ADCY2: variants seen among roughly 807,000 people sequenced by gnomAD.
The protein encoded by ADCY2 is adenylate cyclase 2.
ADCY2 carries 31 observed loss-of-function variants against 125.2 expected under a neutral mutation model. That is an observed-to-expected ratio of 0.25 (90% CI 0.19 to 0.33). The LOEUF is 0.33. Ranked by LOEUF, ADCY2 falls within the 10% of genes least tolerant of loss-of-function variation. ADCY2 has a pLI of 1.00. For missense variants in ADCY2, 904 were observed against 1,418.2 expected, an observed-to-expected ratio of 0.64 and a Z score of 5.82; for synonymous variants, 512 against 548.4, an observed-to-expected ratio of 0.93 and a Z score of 0.93.
chr5:7,490,570 T>G (rs1036641581), intron 2 of ADCY2, among the ~76,000 whole-genome samples: 1 of 152,108 alleles, frequency 6.6e-6, no homozygotes, highest in African/African-American at 2.4e-5. Flanking sequence ...AAAATAAATG[T>G]AAAGAATAGA....
intron 2 of ADCY2, among the ~76,000 whole-genome samples, chr5:7,448,663 G>A (rs1262329525): frequency 6.6e-6 from 1 of 152,068 alleles, no homozygotes; most frequent in Non-Finnish European, 1.5e-5. Context: ...CCTCGTGTGT[G>A]TTGTTCCCCC....
At chr5:7,536,780 C>T (rs752764061) in intron 3 of ADCY2, among the ~76,000 whole-genome samples, 95 of 148,442 alleles carry the variant, frequency 6.4e-4, no homozygotes, top group Non-Finnish European at 1.0e-3. Context: ...ACAAGGAGAA[C>T]ACAGGGACAC....
chr5:7,750,945 T>G (rs1476261204), intron 15 of ADCY2, among the ~76,000 whole-genome samples: 1 of 152,202 alleles, frequency 6.6e-6, no homozygotes, highest in Non-Finnish European at 1.5e-5. Flanking sequence ...CTGGTCTTTC[T>G]GTTCTGCTTT....
intron 13 of ADCY2, among the ~76,000 whole-genome samples, chr5:7,725,050 T>C (rs1741891632): frequency 6.6e-6 from 1 of 152,238 alleles, no homozygotes; most frequent in Non-Finnish European, 1.5e-5. Flanking sequence ...TAATTAGAAC[T>C]TTTAAGCTTT....
Position 7,414,786 on chromosome 5 carries a change from AT to A in ADCY2, c.408+22del. 2 of 1,590,034 alleles carry A rather than the reference AT, an allele frequency of 1.3e-6. No homozygotes were observed. Among genetic ancestry groups the A allele is most frequent in the Non-Finnish European group, 1.7e-6 (2 of 1,171,124 alleles). On this transcript the variant is annotated intron_variant, in intron 2 of 24. Transcript: ENST00000338316. ...CTGGGACCAGGTAAGGTGTGAAAAT[AT>A]TTTTTGTACTTCTTTTATGTCTTGA...
At chr5:7,530,304 G>A (rs1734598183) in intron 3 of ADCY2, among the ~76,000 whole-genome samples, 1 of 152,158 alleles carries the variant, frequency 6.6e-6, no homozygotes, top group Admixed American at 6.5e-5. Flanking sequence ...AATGCTTTGG[G>A]AAATATGTTC....
At chr5:7,771,967 A>T (rs1743569443) in intron 17 of ADCY2, among the ~76,000 whole-genome samples, 1 of 152,196 alleles carries the variant, frequency 6.6e-6, no homozygotes, top group African/African-American at 2.4e-5. Flanking sequence ...AAACCCCGTA[A>T]TGTAGCAAAT....
intron 3 of ADCY2, among the ~76,000 whole-genome samples, chr5:7,620,211 A>G (rs1300291784): frequency 6.6e-6 from 1 of 152,248 alleles, no homozygotes; most frequent in Admixed American, 6.5e-5. Context: ...CTTAATAGCA[A>G]CAGATGTGGT....
intron 2 of ADCY2, among the ~76,000 whole-genome samples, chr5:7,480,591 G>C (rs1055309824): frequency 2.0e-5 from 3 of 152,200 alleles, no homozygotes; most frequent in Middle Eastern, 3.4e-3. Flanking sequence ...ACACACACGG[G>C]GGCCTATTGG....
intron 2 of ADCY2, among the ~76,000 whole-genome samples, chr5:7,449,615 T>C (rs565777883): frequency 6.6e-6 from 1 of 152,300 alleles, no homozygotes; most frequent in South Asian, 2.1e-4. Context: ...TGACTCACTA[T>C]AGGAGCTGGA....
intron 2 of ADCY2, among the ~76,000 whole-genome samples, chr5:7,471,618 T>C (rs570977770): frequency 1.3e-5 from 2 of 152,080 alleles, no homozygotes; most frequent in South Asian, 4.1e-4. Context: ...TTAGAGTTAT[T>C]TTAAAAGGTA....
chr5:7,693,756 A>G (rs1448649255), intron 5 of ADCY2, among the ~76,000 whole-genome samples: 1 of 152,158 alleles, frequency 6.6e-6, no homozygotes, highest in Non-Finnish European at 1.5e-5. Flanking sequence ...TTGCTGTAAC[A>G]TAACCTCTGG....
intron 1 of ADCY2, among the ~76,000 whole-genome samples, chr5:7,412,294 T>C (rs1277598499): frequency 6.6e-6 from 1 of 152,182 alleles, no homozygotes; most frequent in Non-Finnish European, 1.5e-5. Flanking sequence ...GATAATGAAA[T>C]GACTGGAAAA....
intron 2 of ADCY2, among the ~76,000 whole-genome samples, chr5:7,484,257 C>G (rs1742843490): frequency 1.3e-5 from 2 of 152,106 alleles, no homozygotes; most frequent in African/African-American, 2.4e-5. Flanking sequence ...AACAAATATA[C>G]AGCATTCAGA....
intron 23 of ADCY2, among the ~76,000 whole-genome samples, chr5:7,818,165 C>G (rs552763622): frequency 6.6e-6 from 1 of 152,078 alleles, no homozygotes; most frequent in Admixed American, 6.5e-5. Flanking sequence ...TTTTAACGCT[C>G]TCTTACATAC....
At chr5:7,504,466 C>T (rs1743722919) in intron 2 of ADCY2, among the ~76,000 whole-genome samples, 1 of 152,080 alleles carries the variant, frequency 6.6e-6, no homozygotes, top group South Asian at 2.1e-4. Context: ...AACACAACGC[C>T]TATGAAGGCA....
intron 4 of ADCY2, among the ~76,000 whole-genome samples, chr5:7,639,036 A>G (rs1738603760): frequency 1.3e-5 from 2 of 152,032 alleles, no homozygotes; most frequent in Non-Finnish European, 1.5e-5. Context: ...GCTTTCTACC[A>G]TGATTGTGAG....
intron 7 of ADCY2, among the ~76,000 whole-genome samples, chr5:7,703,998 T>G (rs375404861): frequency 0.023 from 2,331 of 100,820 alleles, 121 homozygotes; most frequent in African/African-American, 0.084. Flanking sequence ...CAAGATTCTG[T>G]CCAAAAAAAA....
At chr5:7,805,738 T>A (rs1561021419) in intron 22 of ADCY2, among the ~76,000 whole-genome samples, 4 of 152,164 alleles carry the variant, frequency 2.6e-5, no homozygotes, top group Admixed American at 1.3e-4. Context: ...GCAGGCACCA[T>A]AACAGAGCTC....
Sources: gnomAD v4.1 joint callset for allele counts (sites outside exome capture counted in the v4.1 genomes callset) on GRCh38, gnomAD v4.1.1 for gene constraint, MANE v1.5 for transcripts, NCBI Gene and HGNC (gene_info 2026-07-23, HGNC 2026-07-21) for gene names.